The following ULBP1 variants were observed in gnomAD, a reference collection of about 807,000 sequenced individuals.
ULBP1 encodes UL16-binding protein 1.
A neutral mutation model predicts 25.3 loss-of-function variants in ULBP1; 28 were observed. That is an observed-to-expected ratio of 1.10 (90% CI 0.82 to 1.51). The LOEUF is 1.51. Among genes scored for constraint, ULBP1 ranks in the 40% most tolerant of loss-of-function variants. The pLI is 0.00. For missense variants in ULBP1, 348 were observed against 290.9 expected, an observed-to-expected ratio of 1.20 and a Z score of -1.43; for synonymous variants, 129 against 103.0, an observed-to-expected ratio of 1.25 and a Z score of -1.53.
At chr6:149,969,027 A>C in intron 2 of ULBP1, 58 bp from the exon 3 acceptor site, 40 of 1,585,210 alleles carry the variant, frequency 2.5e-5, no homozygotes, top group Non-Finnish European at 3.4e-5. Flanking sequence ...CAGGAAAGGA[A>C]GCAGGGTGGG....
intron 4 of ULBP1, among the ~76,000 whole-genome samples, chr6:149,970,845 C>G (rs1348377823): frequency 6.6e-6 from 1 of 152,236 alleles, no homozygotes; most frequent in Non-Finnish European, 1.5e-5. Flanking sequence ...AGAGTGGACT[C>G]AGGCAGGGGA....
rs1338422877 is a variant in ULBP1, at chr6:149,969,346, T to G, written c.611T>G (p.Met204Arg). ...GAATTTTTGATGTACTGGGAACAAA[T>G]GCTGGATCCAACAAGTAAGTGAGAG... ...LEEFLMYWEQMLDPTKPPSLA... is the reference protein window; with the variant it reads ...LEEFLMYWEQRLDPTKPPSLA... The change falls in exon 3 of 5, where the codon ATG becomes AGG. Residue 204 changes from methionine (M) to arginine (R), a missense_variant. Transcript: ENST00000229708. 6.2e-7 allele frequency: 1 copy of G among 1,613,044 alleles called. No individual in the cohort carries two copies. Among genetic ancestry groups the G allele is most frequent in the East Asian group, 2.2e-5 (1 of 44,872 alleles).
At chr6:149,970,265 T>C in intron 4 of ULBP1, 118 bp downstream of exon 4, 1 of 1,364,110 alleles carries the variant, frequency 7.3e-7, no homozygotes, top group Non-Finnish European at 9.8e-7. Flanking sequence ...ATTAGACAGA[T>C]GAATGAGACC....
intron 1 of ULBP1, 152 bp downstream of exon 1, chr6:149,964,286 G>A: frequency 1.2e-6 from 1 of 819,712 alleles, no homozygotes; most frequent in Non-Finnish European, 1.9e-6. Flanking sequence ...CGGTCCCTCC[G>A]AACGTCGCGG....
rs971239658 is a variant in ULBP1, at chr6:149,972,266, C to G, written c.*920C>G. ...AAATGGGCAATGTGGGAAAGACTCC[C>G]TATTCGAAAATTAGTGCTGGAATAT... On this transcript the variant is annotated 3_prime_UTR_variant, in exon 5 of 5. Coordinates refer to ENST00000229708, the MANE Select transcript of ULBP1 (RefSeq NM_025218.4). The G allele has an allele frequency of 3.7e-4, 56 of 152,296 alleles. No individual in the cohort carries two copies. Among genetic ancestry groups the G allele is most frequent in the African/African-American group, 1.3e-3 (53 of 41,556 alleles). 9.4% of individuals were successfully genotyped at this position (152,296 alleles called of 1,614,324 possible).
chr6:149,965,852 A>G (rs1582824102), intron 1 of ULBP1, among the ~76,000 whole-genome samples: 1 of 150,406 alleles, frequency 6.6e-6, no homozygotes, highest in African/African-American at 2.5e-5. Flanking sequence ...GGCCTCCCTC[A>G]CCTCCCCATC....
rs1779333562 is a variant in ULBP1, at chr6:149,972,395, G to T, written c.*1049G>T. The T allele has an allele frequency of 6.6e-6, 1 of 152,118 alleles. No homozygotes were observed. Among genetic ancestry groups the T allele is most frequent in the African/African-American group, 2.4e-5 (1 of 41,436 alleles). 9.4% of individuals were successfully genotyped at this position (152,118 alleles called of 1,614,324 possible). On this transcript the variant is annotated 3_prime_UTR_variant, in exon 5 of 5. Transcript: ENST00000229708. ...AGATTTAAATATAAGTACTAAAACT[G>T]TAAAAATCCTGGAATATAACCTAAG...
chr6:149,967,073 T>C (rs1337221556), intron 1 of ULBP1, among the ~76,000 whole-genome samples: 2 of 152,186 alleles, frequency 1.3e-5, no homozygotes, highest in African/African-American at 4.8e-5. Flanking sequence ...CAACCTATAA[T>C]AGTTACTACA....
chr6:149,963,949 C>G lies in ULBP1; in HGVS notation c.-101C>G, dbSNP rs961331890. ...GCCTAGGATCCCGCCCAGTGTATCC[C>G]TGCGCGCGGCGGGCCGGGCTGGGCA... On this transcript the variant is annotated 5_prime_UTR_variant, in exon 1 of 5. Coordinates refer to ENST00000229708, the MANE Select transcript of ULBP1 (RefSeq NM_025218.4). The G allele has an allele frequency of 8.2e-7, 1 of 1,215,350 alleles. No individual in the cohort carries two copies. The highest frequency in any genetic ancestry group is 2.4e-5 in the East Asian group (1 of 40,876). The allele number at this position is 1,215,350 out of a possible 1,614,324, so 75.3% of individuals were successfully genotyped here.
chr6:149,968,995 C>T, intron 2 of ULBP1, 90 bp from the exon 3 acceptor site: 1 of 1,560,684 alleles, frequency 6.4e-7, no homozygotes, highest in South Asian at 1.2e-5. Flanking sequence ...CCGGATGCAG[C>T]AGAGAGAGCA....
chr6:149,972,492 C>T lies in ULBP1; in HGVS notation c.*1146C>T, dbSNP rs1252349987. On this transcript the variant is annotated 3_prime_UTR_variant, in exon 5 of 5. Transcript: ENST00000229708. Reference sequence around the variant, plus strand: ...ACACTAAAAACAATTGCAACAAAAACAGAAATTGACAAATGGGGCCTCATT... The same window carrying T: ...ACACTAAAAACAATTGCAACAAAAATAGAAATTGACAAATGGGGCCTCATT... 2 of 152,096 alleles carry T rather than the reference C, an allele frequency of 1.3e-5. No homozygotes were observed. Among genetic ancestry groups the T allele is most frequent in the East Asian group, 1.9e-4 (1 of 5,196 alleles). 9.4% of individuals were successfully genotyped at this position (152,096 alleles called of 1,614,324 possible). A position where few individuals can be genotyped will look rare whatever the true frequency, so the allele number is the denominator to read the frequency against.
intron 1 of ULBP1, among the ~76,000 whole-genome samples, chr6:149,965,903 C>A (rs1287404728): frequency 6.6e-6 from 1 of 152,138 alleles, no homozygotes; most frequent in Non-Finnish European, 1.5e-5. Flanking sequence ...CAACTAGCAC[C>A]TTGTCCCCTT....
chr6:149,969,276 T>G lies in ULBP1; in HGVS notation c.541T>G (p.Phe181Val). ...GGAGAAGAACAGGGATGTGACCATG[T>G]TCTTCCAGAAGATTTCACTGGGGGA... Reference protein sequence around the residue: ...KWEKNRDVTMFFQKISLGDCK... With the variant: ...KWEKNRDVTMVFQKISLGDCK... Residue 181 changes from phenylalanine to valine, a missense_variant, in exon 3 of 5, where the codon TTC (phenylalanine) becomes GTC (valine). Transcript: ENST00000229708. 4.3e-6 allele frequency: 7 copies of G among 1,614,244 alleles called. No homozygotes were observed. The highest frequency in any genetic ancestry group is 5.9e-6 in the Non-Finnish European group (7 of 1,180,044).
rs1268241578 is a variant in ULBP1, at chr6:149,968,772, C to A, written c.251C>A (p.Thr84Lys). The A allele has an allele frequency of 6.2e-7, 1 of 1,614,214 alleles. No homozygotes were observed. The highest frequency in any genetic ancestry group is 1.7e-5 in the Admixed American group (1 of 60,030). Residue 84 changes from threonine to lysine, a missense_variant, in exon 2 of 5, where the codon ACA (threonine) becomes AAA (lysine). Transcript: ENST00000229708. The part of the protein sequence containing the change: ...FASLGKKVNV[T>K]KTWEEQTETL... ...TCTCTGGGGAAGAAAGTCAATGTCACAAAAACCTGGGAAGAACAAACTGAA... is the reference window on the plus strand; with the variant it reads ...TCTCTGGGGAAGAAAGTCAATGTCAAAAAAACCTGGGAAGAACAAACTGAA...
Position 149,972,268 on chromosome 6 carries a change from A to G in ULBP1, c.*922A>G, listed in dbSNP as rs1441401244. The G allele has an allele frequency of 6.6e-6, 1 of 152,096 alleles. No homozygotes were observed. Among genetic ancestry groups the G allele is most frequent in the Non-Finnish European group, 1.5e-5 (1 of 68,004 alleles). 9.4% of individuals were successfully genotyped at this position (152,096 alleles called of 1,614,324 possible). A position where few individuals can be genotyped will look rare whatever the true frequency, so the allele number is the denominator to read the frequency against. On this transcript the variant is annotated 3_prime_UTR_variant, in exon 5 of 5. Coordinates refer to ENST00000229708, the MANE Select transcript of ULBP1 (RefSeq NM_025218.4). ...ATGGGCAATGTGGGAAAGACTCCCT[A>G]TTCGAAAATTAGTGCTGGAATATCT...
chr6:149,968,724 A>G lies in ULBP1; in HGVS notation c.203A>G (p.Asn68Ser), dbSNP rs1210327490. 3 of 1,614,132 alleles carry G rather than the reference A, an allele frequency of 1.9e-6. No homozygotes were observed. The African/African-American group carries it at 4.0e-5, about 22-fold the overall frequency. ...ERPFLHYDCV[N>S]HKAKAFASLG... The stretch of plus-strand genomic sequence containing the variant: ...CCTTTTCTTCACTATGACTGTGTTA[A>G]CCACAAGGCCAAAGCCTTTGCTTCT... The change falls in exon 2 of 5, where the codon AAC becomes AGC. Residue 68 changes from asparagine to serine, a missense_variant. Transcript: ENST00000229708.
In ULBP1 at chr6:149,971,310, A is replaced by T. The variant is rs1229963393; in HGVS notation, c.*23-59A>T. On this transcript the variant is annotated intron_variant, in intron 4 of 4. Coordinates refer to ENST00000229708, the MANE Select transcript of ULBP1 (RefSeq NM_025218.4). ...GGGGAGGGCCTGGGAAGGATCACCC[A>T]GGAGAACAGACCCAGGTTTTTCTCA... 1.9e-5 allele frequency: 19 copies of T among 983,468 alleles called. 1 individual carries two copies. In the East Asian group the frequency reaches 3.4e-4, roughly 18 times the overall value. 60.9% of individuals were successfully genotyped at this position (983,468 alleles called of 1,614,324 possible). A position where few individuals can be genotyped will look rare whatever the true frequency, so the allele number is the denominator to read the frequency against.
At position 149,970,062 on chromosome 6, in the gene ULBP1, C is replaced by T. The variant is rs1488674576; in HGVS notation, c.672C>T (p.Ala224=). ...GCACAACCCAACCCAAGGCCATGGC[C>T]ACCACCCTCAGTCCCTGGAGCCTTC... is the stretch of plus-strand genomic sequence containing the variant. ...APGTTQPKAM[A]TTLSPWSLLI... is the part of the protein sequence containing the mutation. Residue 224 remains alanine (A), a synonymous_variant, in exon 4 of 5, where the codon GCC becomes GCT. Coordinates refer to ENST00000229708, the MANE Select transcript of ULBP1 (RefSeq NM_025218.4). 2 of 1,613,592 alleles carry T rather than the reference C, an allele frequency of 1.2e-6. No homozygotes were observed. The highest frequency in any genetic ancestry group is 1.1e-5 in the South Asian group (1 of 90,846).
chr6:149,967,922 C>T (rs1462241056), intron 1 of ULBP1, among the ~76,000 whole-genome samples: 1 of 152,146 alleles, frequency 6.6e-6, no homozygotes, highest in East Asian at 1.9e-4. Flanking sequence ...CTCCAGTCAT[C>T]CCATGAGCAC....
Sources: gnomAD v4.1 joint callset for allele counts (sites outside exome capture counted in the v4.1 genomes callset) on GRCh38, gnomAD v4.1.1 for gene constraint, MANE v1.5 for transcripts, NCBI Gene and HGNC (gene_info 2026-07-23, HGNC 2026-07-21) for gene names.